NTNG1: variants seen among roughly 807,000 people sequenced by gnomAD.
NTNG1 encodes the protein netrin G1.
A neutral mutation model predicts 54.0 loss-of-function variants in NTNG1; 16 were observed. That is an observed-to-expected ratio of 0.30 (90% CI 0.20 to 0.45). The LOEUF is 0.45. NTNG1 is among the 20% of genes least tolerant of loss of function. NTNG1 has a pLI of 1.00. For missense variants in NTNG1, 530 were observed against 678.7 expected (o/e 0.78, Z 2.43); for synonymous variants, 255 against 263.1 (o/e 0.97, Z 0.30).
intron 2 of NTNG1, among the ~76,000 whole-genome samples, chr1:107,176,947 T>C (rs1479165619): frequency 6.6e-6 from 1 of 152,190 alleles, no homozygotes; most frequent in Non-Finnish European, 1.5e-5. Context: ...TAGATGCCAG[T>C]AGCACACACA....
chr1:107,363,235 T>C (rs1184512075), intron 3 of NTNG1, among the ~76,000 whole-genome samples: 1 of 152,144 alleles, frequency 6.6e-6, no homozygotes, highest in East Asian at 1.9e-4. Flanking sequence ...CATTGGATGG[T>C]TTTCTGAAGG....
At chr1:107,294,597 T>C (rs1665830609) in intron 2 of NTNG1, among the ~76,000 whole-genome samples, 1 of 152,080 alleles carries the variant, frequency 6.6e-6, no homozygotes, top group South Asian at 2.1e-4. Context: ...AGTAAGGGGG[T>C]ATATTTTTAA....
At chr1:107,190,382 A>G (rs895182833) in intron 2 of NTNG1, among the ~76,000 whole-genome samples, 1 of 152,156 alleles carries the variant, frequency 6.6e-6, no homozygotes, top group Non-Finnish European at 1.5e-5. Flanking sequence ...GTCTTAGAAG[A>G]AGCCAAGAGT....
intron 7 of NTNG1, among the ~76,000 whole-genome samples, chr1:107,457,143 C>T (rs1028187307): frequency 1.3e-5 from 2 of 152,208 alleles, no homozygotes; most frequent in African/African-American, 2.4e-5. Context: ...TAAAAATATA[C>T]AATTGTCCCA....
At chr1:107,460,514 A>G in intron 7 of NTNG1, 1 of 469,548 alleles carries the variant, frequency 2.1e-6, no homozygotes, top group Non-Finnish European at 4.3e-6. Flanking sequence ...CCATGGTTTA[A>G]TATTGACTTC....
At chr1:107,293,881 A>G (rs1306602013) in intron 2 of NTNG1, among the ~76,000 whole-genome samples, 1 of 128,202 alleles carries the variant, frequency 7.8e-6, no homozygotes, top group Non-Finnish European at 1.8e-5. Flanking sequence ...TGGTGCACTT[A>G]TAAGTGATTT....
At chr1:107,277,140 A>ATCGCCCACCAGAGGGAGCTTTG (rs1664533009) in intron 2 of NTNG1, among the ~76,000 whole-genome samples, 1 of 152,222 alleles carries the variant, frequency 6.6e-6, no homozygotes, top group African/African-American at 2.4e-5. Flanking sequence ...TCTTCCAAAG[A>ATCGCCCACCAGAGGGAGCTTTG]TCGCCCACCA....
chr1:107,362,111 C>A (rs1291161975), intron 3 of NTNG1, among the ~76,000 whole-genome samples: 3 of 152,154 alleles, frequency 2.0e-5, no homozygotes, highest in Non-Finnish European at 2.9e-5. Flanking sequence ...CCAAAGAGCA[C>A]CCATCCCTGA....
intron 2 of NTNG1, among the ~76,000 whole-genome samples, chr1:107,202,131 T>C (rs1267183013): frequency 6.6e-6 from 1 of 151,872 alleles, no homozygotes; most frequent in Non-Finnish European, 1.5e-5. Context: ...TTGTTTTGCC[T>C]TTTCATGTAA....
At chr1:107,163,617 C>T (rs889515258) in intron 2 of NTNG1, among the ~76,000 whole-genome samples, 4 of 152,132 alleles carry the variant, frequency 2.6e-5, no homozygotes, top group African/African-American at 7.2e-5. Context: ...AATAATTTCA[C>T]AACTGTGATT....
At chr1:107,197,270 C>G (rs1324296731) in intron 2 of NTNG1, among the ~76,000 whole-genome samples, 2 of 151,782 alleles carry the variant, frequency 1.3e-5, no homozygotes, top group South Asian at 2.1e-4. Flanking sequence ...CTAGGTAGGT[C>G]TCTGCTGGCT....
intron 2 of NTNG1, among the ~76,000 whole-genome samples, chr1:107,222,276 A>G (rs1000309538): frequency 2.6e-5 from 4 of 152,106 alleles, no homozygotes; most frequent in African/African-American, 9.7e-5. Context: ...AAAGTTCTAA[A>G]AGGGTGAAGA....
At chr1:107,395,384 T>A (rs911407945) in intron 4 of NTNG1, 58 bp downstream of exon 4, 1 of 1,447,708 alleles carries the variant, frequency 6.9e-7, no homozygotes, top group Non-Finnish European at 9.7e-7. Flanking sequence ...ATAGTTCCTC[T>A]CAATTTTGCT....
At chr1:107,262,329 A>G (rs1248476448) in intron 2 of NTNG1, among the ~76,000 whole-genome samples, 1 of 152,152 alleles carries the variant, frequency 6.6e-6, no homozygotes, top group Non-Finnish European at 1.5e-5. Flanking sequence ...TTTTGTGGGT[A>G]ATGAGGGCAG....
chr1:107,377,082 A>C (rs887196408), intron 3 of NTNG1, among the ~76,000 whole-genome samples: 24 of 152,220 alleles, frequency 1.6e-4, no homozygotes, highest in Non-Finnish European at 3.5e-4. Flanking sequence ...CCTGGCTTAC[A>C]TGGGGCCAGT....
intron 4 of NTNG1, among the ~76,000 whole-genome samples, chr1:107,399,479 G>C (rs1453393855): frequency 6.6e-6 from 1 of 152,154 alleles, no homozygotes; most frequent in African/African-American, 2.4e-5. Flanking sequence ...CTGAGTGATG[G>C]AAAGTAATTT....
chr1:107,164,015 A>G (rs540781213), intron 2 of NTNG1, among the ~76,000 whole-genome samples: 2 of 152,352 alleles, frequency 1.3e-5, no homozygotes, highest in South Asian at 2.1e-4. Flanking sequence ...GCTACTCAAC[A>G]AAACAAAACA....
At chr1:107,351,680 A>G (rs970995768) in intron 3 of NTNG1, among the ~76,000 whole-genome samples, 3 of 152,174 alleles carry the variant, frequency 2.0e-5, no homozygotes. Context: ...CCCAAATCTC[A>G]TGTCCTTCTC....
chr1:107,382,720 G>A (rs1021560239), intron 3 of NTNG1, among the ~76,000 whole-genome samples: 1 of 152,058 alleles, frequency 6.6e-6, no homozygotes, highest in Non-Finnish European at 1.5e-5. Context: ...AATAAGATCA[G>A]ATTCCTTTGG....
Sources: allele counts gnomAD v4.1 joint callset (sites outside exome capture counted in the v4.1 genomes callset), GRCh38; gene constraint gnomAD v4.1.1; transcripts MANE v1.5; gene names NCBI Gene and HGNC (gene_info 2026-07-23, HGNC 2026-07-21).